RTTN: variants seen among roughly 807,000 people sequenced by gnomAD.
RTTN encodes rotatin.
In RTTN, 182 loss-of-function variants were observed where a neutral mutation model predicts 269.2. The observed-to-expected ratio is 0.68, with a 90% CI of 0.60 to 0.76. RTTN has a LOEUF of 0.76. RTTN is among the 30% of genes least tolerant of loss of function. The probability of loss-of-function intolerance (pLI) is 0.00; values close to 1 mark genes in which losing one functional copy is unlikely to be tolerated. For synonymous variants in RTTN, 1,006 were observed against 963.5 expected (o/e 1.04, Z -0.82); for missense variants, 2,545 against 2,608.6 (o/e 0.98, Z 0.53).
At chr18:70,052,642 T>TTATATATATATA (rs1327265663) in intron 38 of RTTN, among the ~76,000 whole-genome samples, 63,412 of 145,552 alleles carry the variant, frequency 0.44, 16,550 homozygotes, top group East Asian at 0.72. Flanking sequence ...ATTTATTTAC[T>TTATATATATATA]TATATATATA....
chr18:70,106,428 G>T (rs377721269), intron 28 of RTTN, among the ~76,000 whole-genome samples: 2 of 152,166 alleles, frequency 1.3e-5, no homozygotes, highest in East Asian at 3.9e-4. Context: ...TAACCTACAG[G>T]AAAGGCCAAA....
In RTTN at chr18:70,140,173, G is replaced by A; in HGVS notation, c.2597C>T (p.Ala866Val). ...AATTAAGCATAACTTTTTCACCACA[G>A]CATGCATTTTAATATCTGTAGATAA... ...AVIMQDIKMH[A>V]VVKKLCLIDK... The change falls in exon 20 of 49, where the codon GCT (alanine) becomes GTT (valine). Residue 866 changes from alanine (A) to valine (V), a missense_variant. Physicochemically the swap from Ala to Val is moderately conservative, Grantham distance 64. Coordinates refer to ENST00000640769, the MANE Select transcript of RTTN (RefSeq NM_173630.4). 3 of 1,577,214 alleles carry A rather than the reference G, an allele frequency of 1.9e-6. No homozygotes were observed. Among genetic ancestry groups the A allele is most frequent in the Non-Finnish European group, 2.6e-6 (3 of 1,148,448 alleles).
Position 70,167,036 on chromosome 18 carries a change from A to G in RTTN, c.1690-5T>C, listed in dbSNP as rs753803754. On this transcript the variant is annotated splice_region_variant and splice_polypyrimidine_tract_variant and intron_variant, in intron 12 of 48. Coordinates refer to ENST00000640769, the MANE Select transcript of RTTN (RefSeq NM_173630.4). ...TTCTAAGAGATTCTTCTCTCCCTAC[A>G]AAAGAAGCAGAATGGAACAATAAAT... 2 of 1,583,528 alleles carry G rather than the reference A, an allele frequency of 1.3e-6. No homozygotes were observed. Among genetic ancestry groups the G allele is most frequent in the South Asian group, 2.2e-5 (2 of 90,188 alleles).
At chr18:70,029,752 A>C (rs1236272689) in intron 42 of RTTN, among the ~76,000 whole-genome samples, 2 of 152,210 alleles carry the variant, frequency 1.3e-5, no homozygotes, top group Non-Finnish European at 2.9e-5. Flanking sequence ...TTTATCTGGC[A>C]TAGTATCATG....
At chr18:70,110,924 TCA>T (rs1380512812) in intron 27 of RTTN, among the ~76,000 whole-genome samples, 15 of 152,220 alleles carry the variant, frequency 9.9e-5, no homozygotes, top group Non-Finnish European at 1.9e-4. Context: ...AGTTTTACAC[TCA>T]CAGTGTAAAC....
chr18:70,024,989 T>C (rs1010102328), intron 43 of RTTN, 141 bp from the exon 44 acceptor site: 295 of 917,914 alleles, frequency 3.2e-4, no homozygotes, highest in African/African-American at 6.9e-4. Flanking sequence ...CCCAGCCCCA[T>C]TGGGCTCCAC....
At chr18:70,119,860 T>C (rs368610464) in intron 26 of RTTN, among the ~76,000 whole-genome samples, 6 of 152,350 alleles carry the variant, frequency 3.9e-5, no homozygotes, top group East Asian at 3.9e-4. Context: ...TAAATGTTTA[T>C]TGAGAGCTCA....
chr18:70,120,012 C>CA (rs1329092624), intron 26 of RTTN, among the ~76,000 whole-genome samples: 1 of 152,114 alleles, frequency 6.6e-6, no homozygotes, highest in Non-Finnish European at 1.5e-5. Context: ...ATTTAATCCC[C>CA]AAAGTAACAG....
intron 46 of RTTN, 148 bp downstream of exon 46, chr18:70,017,259 C>T (rs1009370843): frequency 2.6e-6 from 2 of 757,054 alleles, no homozygotes; most frequent in South Asian, 3.9e-5. Context: ...GAAGCCATGC[C>T]TGATTCATTC....
chr18:70,118,037 A>G (rs2059643078), intron 26 of RTTN, among the ~76,000 whole-genome samples: 1 of 151,994 alleles, frequency 6.6e-6, no homozygotes, highest in Admixed American at 6.6e-5. Context: ...AAAGAAAGAT[A>G]TCAAGTAAAC....
chr18:70,182,865 A>C (rs1025957804), intron 10 of RTTN, among the ~76,000 whole-genome samples: 2 of 152,172 alleles, frequency 1.3e-5, no homozygotes, highest in Admixed American at 6.5e-5. Context: ...TATCTACTCT[A>C]CTGAAATACA....
In RTTN at chr18:70,162,809, T is replaced by C. The variant is rs547304667; in HGVS notation, c.1929+3253A>G. ...ACTACCTGGCTGACAAAATCATTTG[T>C]ACACCAAACCCCAGCAGCACACAAT... On this transcript the variant is annotated intron_variant, in intron 14 of 48. Coordinates refer to ENST00000640769, the MANE Select transcript of RTTN (RefSeq NM_173630.4). 6.6e-5 allele frequency among the ~76,000 whole-genome samples: 9 copies of C among 136,354 alleles called. 1 individual carries two copies. The South Asian group carries it at 2.1e-3, about 32-fold the overall frequency. The allele number at this position is 136,354 out of a possible 152,430, so 89.5% of individuals were successfully genotyped here.
At chr18:70,199,007 G>C (rs543790140) in intron 5 of RTTN, among the ~76,000 whole-genome samples, 1 of 152,094 alleles carries the variant, frequency 6.6e-6, no homozygotes, top group South Asian at 2.1e-4. Flanking sequence ...GCCAACGTGG[G>C]GAAACCCCAT....
intron 1 of RTTN, 118 bp from the exon 2 acceptor site, chr18:70,205,433 C>T: frequency 7.1e-7 from 1 of 1,414,718 alleles, no homozygotes; most frequent in Non-Finnish European, 9.8e-7. Flanking sequence ...AGAAGCAGGC[C>T]ACTGGTGCCT....
chr18:70,157,937 A>G (rs1170475591), intron 14 of RTTN, among the ~76,000 whole-genome samples: 2 of 152,094 alleles, frequency 1.3e-5, no homozygotes, highest in African/African-American at 4.8e-5. Flanking sequence ...ACTTCAAGAA[A>G]TATGGGATTA....
intron 43 of RTTN, among the ~76,000 whole-genome samples, chr18:70,027,403 ACTT>A (rs1046014989): frequency 6.6e-6 from 1 of 152,224 alleles, no homozygotes; most frequent in African/African-American, 2.4e-5. Flanking sequence ...CTTTGGATTT[ACTT>A]CTTATTAAAC....
At chr18:70,059,788 G>T in intron 36 of RTTN, 62 bp downstream of exon 36, 1 of 1,095,974 alleles carries the variant, frequency 9.1e-7, no homozygotes, top group Non-Finnish European at 1.3e-6. Context: ...ATCAAGTCAT[G>T]AATACAGTTT....
At chr18:70,118,075 T>C (rs1461428) in intron 26 of RTTN, among the ~76,000 whole-genome samples, 109,434 of 151,600 alleles carry the variant, frequency 0.72, 46,430 homozygotes, top group East Asian at 1. Context: ...AAAAGAAGCA[T>C]AAATGAAGCC....
chr18:70,176,553 T>C, intron 11 of RTTN, 122 bp downstream of exon 11: 1 of 797,602 alleles, frequency 1.3e-6, no homozygotes. Context: ...CTGTTACACT[T>C]ATTTTGAAAA....
Sources: allele counts gnomAD v4.1 joint callset (sites outside exome capture counted in the v4.1 genomes callset), GRCh38; gene constraint gnomAD v4.1.1; transcripts MANE v1.5; gene names NCBI Gene and HGNC (gene_info 2026-07-23, HGNC 2026-07-21).